Variants in C1orf21 observed in about 807,000 individuals in gnomAD.
C1orf21 encodes the protein uncharacterized protein C1orf21.
C1orf21 carries 3 observed loss-of-function variants against 18.7 expected under a neutral mutation model. The observed-to-expected ratio is 0.16, with a 90% CI of 0.07 to 0.42. The LOEUF is 0.42. Among genes scored for constraint, C1orf21 ranks in the 10% least tolerant of loss-of-function variants. The pLI, the probability that C1orf21 is intolerant of heterozygous loss-of-function variation, is 0.99. For synonymous variants in C1orf21, 41 were observed against 46.4 expected, an observed-to-expected ratio of 0.88 and a Z score of 0.47; for missense variants, 104 against 143.6, an observed-to-expected ratio of 0.72 and a Z score of 1.41.
At position 184,626,647 on chromosome 1, in the gene C1orf21, G is replaced by C. The variant is rs941229418; in HGVS notation, c.*7091G>C. The C allele has an allele frequency of 3.9e-5, 6 of 152,652 alleles. No individual in the cohort carries two copies. The highest frequency in any genetic ancestry group is 7.3e-5 in the Non-Finnish European group (5 of 68,336). The allele number at this position is 152,652 out of a possible 1,614,324, so 9.5% of individuals were successfully genotyped here. A position where few individuals can be genotyped will look rare whatever the true frequency, so the allele number is the denominator to read the frequency against. ...TAAGGTGTGGTCACAATCAGGGCCG[G>C]GGTTTCCCTGCTCACTGCGGCAGTG... On this transcript the variant is annotated 3_prime_UTR_variant, in exon 6 of 6. Coordinates refer to ENST00000235307, the MANE Select transcript of C1orf21 (RefSeq NM_030806.4).
chr1:184,424,571 G>A (rs1037259919), intron 1 of C1orf21, among the ~76,000 whole-genome samples: 2 of 152,190 alleles, frequency 1.3e-5, no homozygotes, highest in Non-Finnish European at 2.9e-5. Flanking sequence ...CCTTGGTAGA[G>A]AGCTGTGATG....
chr1:184,544,170 C>T (rs903909880), intron 3 of C1orf21, among the ~76,000 whole-genome samples: 5 of 152,086 alleles, frequency 3.3e-5, no homozygotes, highest in South Asian at 2.1e-4. Context: ...TATACATTTC[C>T]GAGAAAGTAA....
At chr1:184,401,401 C>T (rs566686062) in intron 1 of C1orf21, among the ~76,000 whole-genome samples, 7 of 151,706 alleles carry the variant, frequency 4.6e-5, no homozygotes, top group Non-Finnish European at 8.8e-5. Flanking sequence ...TTGTATTTTT[C>T]GTAAAGACGG....
At chr1:184,469,538 C>G (rs780868606) in intron 1 of C1orf21, among the ~76,000 whole-genome samples, 22 of 152,186 alleles carry the variant, frequency 1.4e-4, no homozygotes, top group Non-Finnish European at 2.4e-4. Flanking sequence ...GGCATTAACT[C>G]TTTTTTGTCA....
At chr1:184,600,147 T>C (rs1004164820) in intron 5 of C1orf21, among the ~76,000 whole-genome samples, 3 of 152,122 alleles carry the variant, frequency 2.0e-5, no homozygotes, top group Non-Finnish European at 4.4e-5. Flanking sequence ...TAAAATGATA[T>C]AATCTATATC....
At chr1:184,618,663 G>A (rs1011721815) in intron 5 of C1orf21, among the ~76,000 whole-genome samples, 2 of 145,562 alleles carry the variant, frequency 1.4e-5, no homozygotes, top group Admixed American at 1.5e-4. Context: ...AATGAAACAT[G>A]TAGTGTGTAT....
chr1:184,572,537 A>G (rs1017932014), intron 3 of C1orf21, among the ~76,000 whole-genome samples: 3 of 152,214 alleles, frequency 2.0e-5, no homozygotes, highest in African/African-American at 7.2e-5. Flanking sequence ...TAACATTTCT[A>G]GTAAGTTCTA....
At chr1:184,535,656 T>C (rs2101975099) in intron 3 of C1orf21, among the ~76,000 whole-genome samples, 1 of 152,354 alleles carries the variant, frequency 6.6e-6, no homozygotes, top group East Asian at 1.9e-4. Flanking sequence ...TAGATGGACT[T>C]TATCTTAGTA....
At chr1:184,421,683 A>G (rs1416270344) in intron 1 of C1orf21, among the ~76,000 whole-genome samples, 1 of 152,086 alleles carries the variant, frequency 6.6e-6, no homozygotes, top group Non-Finnish European at 1.5e-5. Flanking sequence ...TTTTTTAACT[A>G]CTCAGATGGA....
chr1:184,438,681 C>T (rs1029475769), intron 1 of C1orf21, among the ~76,000 whole-genome samples: 5 of 152,154 alleles, frequency 3.3e-5, no homozygotes, highest in African/African-American at 7.2e-5. Flanking sequence ...GCTGATAGAT[C>T]GCCTTCCTCA....
At chr1:184,545,905 C>A (rs1053483374) in intron 3 of C1orf21, 3 of 152,186 alleles carry the variant, frequency 2.0e-5, no homozygotes, top group Non-Finnish European at 2.9e-5. Flanking sequence ...CTAGAAGCAG[C>A]ATGTTTCTTC....
chr1:184,440,063 G>A (rs1656920989), intron 1 of C1orf21, among the ~76,000 whole-genome samples: 1 of 152,060 alleles, frequency 6.6e-6, no homozygotes. Flanking sequence ...TGAAAGTGAG[G>A]AGCCAATAAG....
chr1:184,415,797 G>C (rs1656440357), intron 1 of C1orf21, among the ~76,000 whole-genome samples: 2 of 152,062 alleles, frequency 1.3e-5, no homozygotes, highest in Admixed American at 1.3e-4. Flanking sequence ...GAAGATTTTG[G>C]ATTCATCCTT....
At chr1:184,586,963 C>T (rs575036271) in intron 3 of C1orf21, among the ~76,000 whole-genome samples, 13 of 152,134 alleles carry the variant, frequency 8.5e-5, no homozygotes, top group African/African-American at 2.4e-5. Context: ...TTTTGTATAT[C>T]GTGTAAGGAA....
At chr1:184,611,736 A>T (rs1014966294) in intron 5 of C1orf21, among the ~76,000 whole-genome samples, 5 of 152,190 alleles carry the variant, frequency 3.3e-5, no homozygotes, top group Non-Finnish European at 2.9e-5. Flanking sequence ...ATTAATCAGG[A>T]TGCTGTTTGC....
intron 3 of C1orf21, among the ~76,000 whole-genome samples, chr1:184,571,718 A>G (rs1659116440): frequency 6.6e-6 from 1 of 152,148 alleles, no homozygotes; most frequent in South Asian, 2.1e-4. Context: ...GACCTCTCTC[A>G]TCATTAGATA....
chr1:184,609,440 G>T (rs534657356), intron 5 of C1orf21, among the ~76,000 whole-genome samples: 1 of 152,338 alleles, frequency 6.6e-6, no homozygotes, highest in South Asian at 2.1e-4. Flanking sequence ...AGAGCAAAGA[G>T]CTCTAAAGAG....
At chr1:184,505,338 T>C (rs985993884) in intron 2 of C1orf21, among the ~76,000 whole-genome samples, 1 of 133,628 alleles carries the variant, frequency 7.5e-6, no homozygotes, top group Non-Finnish European at 1.5e-5. Context: ...TATATATATA[T>C]ATACACACAT....
intron 5 of C1orf21, among the ~76,000 whole-genome samples, chr1:184,607,733 A>G (rs1459818175): frequency 6.6e-6 from 1 of 151,020 alleles, no homozygotes. Context: ...ATATATATAC[A>G]TATATATGTG....
Sources: gnomAD v4.1 joint callset for allele counts (sites outside exome capture counted in the v4.1 genomes callset) on GRCh38, gnomAD v4.1.1 for gene constraint, MANE v1.5 for transcripts, NCBI Gene and HGNC (gene_info 2026-07-23, HGNC 2026-07-21) for gene names.